Variants in GRM7 observed in about 807,000 individuals in gnomAD.
GRM7 encodes glutamate metabotropic receptor 7.
In GRM7, 35 loss-of-function variants were observed where a neutral mutation model predicts 84.5. The ratio of observed to expected loss-of-function variants is 0.41; its 90% confidence interval spans 0.32 to 0.55. The LOEUF is 0.55. GRM7 is among the 20% of genes least tolerant of loss of function. The probability of loss-of-function intolerance (pLI) is 0.19; values close to 1 mark genes in which losing one functional copy is unlikely to be tolerated. For synonymous variants in GRM7, 487 were observed against 455.1 expected, an observed-to-expected ratio of 1.07 and a Z score of -0.89; for missense variants, 1,003 against 1,194.6, an observed-to-expected ratio of 0.84 and a Z score of 2.36.
At chr3:7,359,594 C>T (rs1323267718) in intron 4 of GRM7, among the ~76,000 whole-genome samples, 1 of 147,850 alleles carries the variant, frequency 6.8e-6, no homozygotes, top group African/African-American at 2.6e-5. Context: ...CTTGGACTCC[C>T]AAAGTGTTGG....
At chr3:7,289,009 G>A (rs116264475) in intron 2 of GRM7, among the ~76,000 whole-genome samples, 2,673 of 152,200 alleles carry the variant, frequency 0.018, 89 homozygotes, top group African/African-American at 0.061. Flanking sequence ...ATACATGCAG[G>A]TAAGACTGAA....
chr3:7,103,822 C>CTG (rs1209475120), intron 1 of GRM7, among the ~76,000 whole-genome samples: 1 of 127,782 alleles, frequency 7.8e-6, no homozygotes, highest in African/African-American at 3.8e-5. Flanking sequence ...TTCTTTCTCT[C>CTG]TCTCTCTGTC....
chr3:7,371,184 C>G (rs1028944678), intron 4 of GRM7, among the ~76,000 whole-genome samples: 2 of 151,964 alleles, frequency 1.3e-5, no homozygotes, highest in Non-Finnish European at 2.9e-5. Flanking sequence ...GATTGCAGAC[C>G]ACAATAGAGT....
intron 2 of GRM7, among the ~76,000 whole-genome samples, chr3:7,156,578 T>A (rs1381885424): frequency 6.6e-6 from 1 of 152,142 alleles, no homozygotes; most frequent in Non-Finnish European, 1.5e-5. Flanking sequence ...GGAGAACGCA[T>A]CCCCATATCT....
chr3:6,881,717 C>T (rs1695516593), intron 1 of GRM7, among the ~76,000 whole-genome samples: 1 of 152,046 alleles, frequency 6.6e-6, no homozygotes, highest in South Asian at 2.1e-4. Flanking sequence ...TAGAGAAATG[C>T]AAATCAAATA....
intron 1 of GRM7, among the ~76,000 whole-genome samples, chr3:7,016,904 G>T (rs1575133949): frequency 6.6e-6 from 1 of 152,272 alleles, no homozygotes; most frequent in East Asian, 1.9e-4. Flanking sequence ...TCATGTTATA[G>T]TTCAGTTTTA....
chr3:7,031,364 A>T (rs1275446415), intron 1 of GRM7, among the ~76,000 whole-genome samples: 3 of 151,936 alleles, frequency 2.0e-5, no homozygotes, highest in Non-Finnish European at 4.4e-5. Context: ...CTTGAATCCC[A>T]TTAAAACCTG....
chr3:7,304,688 TTATATC>T (rs1325220317), intron 3 of GRM7, among the ~76,000 whole-genome samples: 27 of 152,256 alleles, frequency 1.8e-4, no homozygotes, highest in African/African-American at 3.6e-4. Context: ...TTTCTGCACT[TTATATC>T]TATGCCAATT....
At chr3:6,999,640 G>A (rs1363622220) in intron 1 of GRM7, among the ~76,000 whole-genome samples, 4 of 152,182 alleles carry the variant, frequency 2.6e-5, no homozygotes, top group African/African-American at 9.7e-5. Flanking sequence ...GGCTGGGGAT[G>A]CCTCAGGAAA....
intron 1 of GRM7, among the ~76,000 whole-genome samples, chr3:7,136,323 G>A (rs1320862220): frequency 1.3e-5 from 2 of 151,884 alleles, no homozygotes; most frequent in African/African-American, 4.8e-5. Flanking sequence ...AAAAGGCAGG[G>A]CAGAAACTGC....
chr3:7,614,131 G>A (rs1696973664), intron 8 of GRM7, among the ~76,000 whole-genome samples: 1 of 152,070 alleles, frequency 6.6e-6, no homozygotes, highest in Non-Finnish European at 1.5e-5. Flanking sequence ...CGGGCATGGT[G>A]GTGCGTACCT....
At chr3:7,277,154 A>G (rs930026957) in intron 2 of GRM7, among the ~76,000 whole-genome samples, 3 of 151,986 alleles carry the variant, frequency 2.0e-5, no homozygotes, top group Admixed American at 1.3e-4. Context: ...TTTGCCCTGG[A>G]GTCCAATTTT....
chr3:6,920,346 T>C (rs894465929), intron 1 of GRM7, among the ~76,000 whole-genome samples: 1 of 151,936 alleles, frequency 6.6e-6, no homozygotes, highest in African/African-American at 2.4e-5. Flanking sequence ...CTTGAGGTCA[T>C]GAGTTCAAGA....
At chr3:7,326,571 G>A (rs975123771) in intron 4 of GRM7, among the ~76,000 whole-genome samples, 1 of 152,098 alleles carries the variant, frequency 6.6e-6, no homozygotes, top group African/African-American at 2.4e-5. Flanking sequence ...CTGGGGGCTG[G>A]GCACAGTGGC....
intron 1 of GRM7, among the ~76,000 whole-genome samples, chr3:6,979,589 A>G (rs184815985): frequency 1.3e-5 from 2 of 152,370 alleles, no homozygotes; most frequent in Admixed American, 1.3e-4. Context: ...TTGCCCATGG[A>G]GATCACAGAA....
At chr3:6,886,611 A>G (rs1014196621) in intron 1 of GRM7, among the ~76,000 whole-genome samples, 3 of 151,988 alleles carry the variant, frequency 2.0e-5, no homozygotes, top group Non-Finnish European at 2.9e-5. Flanking sequence ...CATATTCCTC[A>G]TGATTTTTTT....
Position 7,685,902 on chromosome 3 carries a change from G to A in GRM7, c.2698+5607G>A, listed in dbSNP as rs573554150. Among the ~76,000 whole-genome samples the A allele has an allele frequency of 2.6e-5, 4 of 152,150 alleles. No individual in the cohort carries two copies. The South Asian group carries it at 8.3e-4, about 32-fold the overall frequency. On this transcript the variant is annotated intron_variant, in intron 9 of 9. Transcript: ENST00000357716. The stretch of plus-strand genomic sequence containing the variant: ...ATTCTAGAACACACTTCTGTGCTGT[G>A]TTAATTTGTTATGGTTCTTGTTTTG...
intron 1 of GRM7, among the ~76,000 whole-genome samples, chr3:7,144,036 C>T (rs1018138983): frequency 1.3e-5 from 2 of 151,996 alleles, no homozygotes; most frequent in South Asian, 2.1e-4. Context: ...TTTACTGAGG[C>T]GCTTATATAA....
intron 1 of GRM7, among the ~76,000 whole-genome samples, chr3:6,872,852 C>T (rs1252227036): frequency 1.3e-5 from 2 of 152,142 alleles, no homozygotes; most frequent in Non-Finnish European, 2.9e-5. Context: ...TTTTCTTTAT[C>T]CAGGCTATCA....
Sources: allele counts gnomAD v4.1 joint callset (sites outside exome capture counted in the v4.1 genomes callset), GRCh38; gene constraint gnomAD v4.1.1; transcripts MANE v1.5; gene names NCBI Gene and HGNC (gene_info 2026-07-23, HGNC 2026-07-21).